NAV3: variants seen among roughly 807,000 people sequenced by gnomAD.
The protein encoded by NAV3 is pore membrane and/or filament interacting like protein 1.
A neutral mutation model predicts 244.7 loss-of-function variants in NAV3; 87 were observed. The ratio of observed to expected loss-of-function variants is 0.36; its 90% CI spans 0.30 to 0.42. The LOEUF is 0.42. Ranked by LOEUF, NAV3 falls within the 20% of genes least tolerant of loss-of-function variation. The probability of loss-of-function intolerance (pLI) is 1.00; values close to 1 mark genes in which losing one functional copy is unlikely to be tolerated. For synonymous variants in NAV3, 1,126 were observed against 1,042.2 expected (o/e 1.08, Z -1.55); for missense variants, 2,663 against 2,893.3 (o/e 0.92, Z 1.83).
chr12:77,984,363 C>A (rs1225880639), intron 5 of NAV3, among the ~76,000 whole-genome samples: 3 of 152,086 alleles, frequency 2.0e-5, no homozygotes, highest in African/African-American at 7.2e-5. Context: ...AAGTGAGAAC[C>A]AAGGGATGTG....
chr12:77,917,158 G>A (rs1190369842), intron 1 of NAV3, among the ~76,000 whole-genome samples: 1 of 151,684 alleles, frequency 6.6e-6, no homozygotes, highest in Non-Finnish European at 1.5e-5. Context: ...ATCTATTGTT[G>A]GTCTATTCCA....
At chr12:78,200,346 G>A in intron 37 of NAV3, 127 bp from the exon 38 acceptor site, 1 of 495,268 alleles carries the variant, frequency 2.0e-6, no homozygotes, top group Non-Finnish European at 3.5e-6. Context: ...TAATAATCAA[G>A]CTGGCCAATA....
chr12:77,821,191 G>A (rs1872731558), intron 2 of NAV3, among the ~76,000 whole-genome samples: 1 of 151,986 alleles, frequency 6.6e-6, no homozygotes, highest in Non-Finnish European at 1.5e-5. Flanking sequence ...AGCTATTGAT[G>A]GGGTAGCTTT....
At chr12:78,101,064 G>A (rs192800944) in intron 12 of NAV3, among the ~76,000 whole-genome samples, 8 of 152,274 alleles carry the variant, frequency 5.3e-5, no homozygotes, top group Non-Finnish European at 7.4e-5. Context: ...AATTTGGAGT[G>A]TTAGAATGAG....
chr12:77,710,002 A>G (rs1248466396), intron 2 of NAV3, among the ~76,000 whole-genome samples: 1 of 152,188 alleles, frequency 6.6e-6, no homozygotes, highest in Non-Finnish European at 1.5e-5. Flanking sequence ...GTCTAATATG[A>G]GCATCAGCAG....
At chr12:77,735,889 A>G (rs141288490) in intron 2 of NAV3, among the ~76,000 whole-genome samples, 24 of 152,314 alleles carry the variant, frequency 1.6e-4, no homozygotes, top group African/African-American at 5.8e-4. Context: ...TAAAATTACA[A>G]TAGAACATTT....
intron 2 of NAV3, among the ~76,000 whole-genome samples, chr12:77,708,272 A>G (rs1289680277): frequency 7.9e-5 from 12 of 152,238 alleles, no homozygotes; most frequent in Non-Finnish European, 1.5e-4. Context: ...AGCTTTCTAC[A>G]TATGGCTAGC....
At position 78,038,254 on chromosome 12, in the gene NAV3, TC is replaced by T. The variant is rs1240249116; in HGVS notation, c.2024-11736del. On this transcript the variant is annotated intron_variant, in intron 9 of 39. Coordinates refer to ENST00000397909, the MANE Select transcript of NAV3 (RefSeq NM_001024383.2). ...ATCAAAATATATTTACATCACACAGTCCCTTCTTCCATAAGTATTAAATTCC... is the reference window on the plus strand; with the variant it reads ...ATCAAAATATATTTACATCACACAGTCCTTCTTCCATAAGTATTAAATTCC... Among the ~76,000 whole-genome samples the T allele has an allele frequency of 2.0e-5, 3 of 152,308 alleles. No individual in the cohort carries two copies. In the East Asian group the frequency reaches 5.8e-4, roughly 29 times the overall value.
intron 2 of NAV3, among the ~76,000 whole-genome samples, chr12:77,731,443 CGA>C (rs959127791): frequency 3.3e-5 from 5 of 151,820 alleles, no homozygotes; most frequent in African/African-American, 1.2e-4. Flanking sequence ...TTTTATGATA[CGA>C]TATATAACCC....
At chr12:77,928,186 G>A (rs1311274593) in intron 1 of NAV3, among the ~76,000 whole-genome samples, 1 of 129,664 alleles carries the variant, frequency 7.7e-6, no homozygotes, top group Admixed American at 9.5e-5. Flanking sequence ...CTGCGCCACT[G>A]CACTCCAGCT....
chr12:77,967,496 A>G (rs1892624023), intron 4 of NAV3, among the ~76,000 whole-genome samples: 1 of 152,138 alleles, frequency 6.6e-6, no homozygotes, highest in South Asian at 2.1e-4. Context: ...TTTGAGTTAT[A>G]TGATAAACCA....
chr12:78,174,425 T>C (rs940156091), intron 24 of NAV3, among the ~76,000 whole-genome samples: 6 of 151,802 alleles, frequency 4.0e-5, no homozygotes, highest in African/African-American at 1.4e-4. Flanking sequence ...ACAATGGATA[T>C]TAGAAACAGC....
At chr12:78,051,201 A>G (rs1381316625) in intron 11 of NAV3, 54 bp downstream of exon 11, 5 of 1,540,412 alleles carry the variant, frequency 3.2e-6, no homozygotes, top group South Asian at 2.5e-5. Flanking sequence ...GTGGTCTACT[A>G]TAATGCATTC....
intron 1 of NAV3, among the ~76,000 whole-genome samples, chr12:77,834,572 G>A (rs7956395): frequency 0.86 from 131,643 of 152,270 alleles, 57,168 homozygotes; most frequent in Non-Finnish European, 0.91. Flanking sequence ...TGCTGACCAT[G>A]GCTATCTTTT....
chr12:77,791,081 C>T (rs574199498), intron 2 of NAV3, among the ~76,000 whole-genome samples: 15 of 152,226 alleles, frequency 9.9e-5, no homozygotes, highest in South Asian at 6.2e-4. Context: ...TTTGGCCGGG[C>T]GCGGTGGCTC....
intron 2 of NAV3, among the ~76,000 whole-genome samples, chr12:77,624,248 G>A (rs2136886673): frequency 6.6e-6 from 1 of 152,300 alleles, no homozygotes; most frequent in East Asian, 1.9e-4. Context: ...CAATTCAGTA[G>A]AGCAATCACT....
At chr12:78,129,586 A>G (rs1367003337) in intron 18 of NAV3, among the ~76,000 whole-genome samples, 4 of 152,168 alleles carry the variant, frequency 2.6e-5, no homozygotes, top group Non-Finnish European at 2.9e-5. Flanking sequence ...ATAATTAAAG[A>G]AAACTAAACA....
rs543597038 is a variant in NAV3, at chr12:78,199,143, T to C, written c.6519-192T>C. ...TTTTAGCTCAAAAAGTAGAGTTAGC[T>C]ACATTATAGCTCTCATCCTAGTAGA... On this transcript the variant is annotated intron_variant, in intron 36 of 39. Coordinates refer to ENST00000397909, the MANE Select transcript of NAV3 (RefSeq NM_001024383.2). The C allele has an allele frequency of 1.1e-5, 7 of 662,432 alleles. No homozygotes were observed. The East Asian group carries it at 2.0e-4, about 19-fold the overall frequency. The allele number at this position is 662,432 out of a possible 1,614,324, so 41.0% of individuals were successfully genotyped here.
chr12:77,966,862 G>A (rs892759053), intron 4 of NAV3, among the ~76,000 whole-genome samples: 2 of 151,960 alleles, frequency 1.3e-5, no homozygotes, highest in African/African-American at 4.8e-5. Flanking sequence ...AGAGCAAAAT[G>A]GGGAAAACTT....
Sources: gnomAD v4.1 joint callset for allele counts (sites outside exome capture counted in the v4.1 genomes callset) on GRCh38, gnomAD v4.1.1 for gene constraint, MANE v1.5 for transcripts, NCBI Gene and HGNC (gene_info 2026-07-23, HGNC 2026-07-21) for gene names.